SLC44A5: variants seen among roughly 807,000 people sequenced by gnomAD.
SLC44A5 encodes the protein choline transporter-like protein 5.
In SLC44A5, 57 loss-of-function variants were observed where a neutral mutation model predicts 101.8. That is an observed-to-expected ratio of 0.56 (90% CI 0.45 to 0.70). SLC44A5 has a LOEUF of 0.70. Among genes scored for constraint, SLC44A5 ranks in the 30% least tolerant of loss-of-function variants. The probability of loss-of-function intolerance (pLI) is 0.00; values close to 1 mark genes in which losing one functional copy is unlikely to be tolerated. For synonymous variants in SLC44A5, 281 were observed against 290.9 expected (o/e 0.97, Z 0.35); for missense variants, 737 against 853.1 (o/e 0.86, Z 1.70).
the SLC44A5 span, among the ~76,000 whole-genome samples, chr1:75,663,742 G>C: frequency 6.6e-6 from 1 of 152,060 alleles, no homozygotes; most frequent in Non-Finnish European, 1.5e-5. Flanking sequence ...CAATTCTACT[G>C]AAACTATTCT....
chr1:75,550,293 C>A (rs1031742695), intron 1 of SLC44A5, among the ~76,000 whole-genome samples: 1 of 152,032 alleles, frequency 6.6e-6, no homozygotes, highest in Non-Finnish European at 1.5e-5. Flanking sequence ...AAGCCAGACA[C>A]AAAAAGCCAG....
chr1:75,571,090 G>C (rs1008653940), intron 1 of SLC44A5, among the ~76,000 whole-genome samples: 1 of 152,122 alleles, frequency 6.6e-6, no homozygotes, highest in Non-Finnish European at 1.5e-5. Flanking sequence ...CACCACAAGC[G>C]CTAATAATCC....
chr1:75,370,037 G>C (rs774520102), intron 3 of SLC44A5, among the ~76,000 whole-genome samples: 2 of 152,164 alleles, frequency 1.3e-5, no homozygotes, highest in Non-Finnish European at 2.9e-5. Flanking sequence ...GAATAGGTTA[G>C]GCTTTTACAC....
intron 11 of SLC44A5, among the ~76,000 whole-genome samples, chr1:75,234,445 C>G (rs1647886102): frequency 6.6e-6 from 1 of 152,034 alleles, no homozygotes; most frequent in Admixed American, 6.6e-5. Context: ...TCCTACCTAT[C>G]TACTAGGTCA....
chr1:75,576,561 GT>G (rs1673380898), intron 1 of SLC44A5, among the ~76,000 whole-genome samples: 1 of 151,960 alleles, frequency 6.6e-6, no homozygotes, highest in South Asian at 2.1e-4. Context: ...CTCGTGATCC[GT>G]CCACTGTGGC....
the SLC44A5 span, among the ~76,000 whole-genome samples, chr1:75,624,236 CA>C: frequency 6.6e-6 from 1 of 151,916 alleles, no homozygotes; most frequent in African/African-American, 2.4e-5. Flanking sequence ...TAGTGATAGT[CA>C]AAAGAGAAAA....
chr1:75,322,464 A>G (rs796398366), intron 4 of SLC44A5, among the ~76,000 whole-genome samples: 7 of 152,278 alleles, frequency 4.6e-5, no homozygotes, highest in African/African-American at 1.7e-4. Context: ...TGATCATTAT[A>G]TGCTGGTGTG....
In SLC44A5 at chr1:75,540,519, G is replaced by A. The variant is rs1364912593; in HGVS notation, c.13+916C>T. Among the ~76,000 whole-genome samples the A allele has an allele frequency of 2.0e-5, 3 of 152,258 alleles. No homozygotes were observed. In the East Asian group the frequency reaches 5.8e-4, roughly 29 times the overall value. On this transcript the variant is annotated intron_variant, in intron 2 of 23. Transcript: ENST00000370859. Reference sequence around the variant, plus strand: ...TAGTACAATGTATTTGCAGCCTTGAGGAACATGTGTAGATTCAAACATATT... The same window carrying A: ...TAGTACAATGTATTTGCAGCCTTGAAGAACATGTGTAGATTCAAACATATT...
At chr1:75,634,905 C>T in the SLC44A5 span, among the ~76,000 whole-genome samples, 3 of 152,086 alleles carry the variant, frequency 2.0e-5, no homozygotes, top group African/African-American at 7.3e-5. Flanking sequence ...TCGCAACTTA[C>T]TCATCTGACA....
At chr1:75,246,965 T>TGTTA (rs1163416600) in intron 7 of SLC44A5, among the ~76,000 whole-genome samples, 1 of 152,032 alleles carries the variant, frequency 6.6e-6, no homozygotes, top group Non-Finnish European at 1.5e-5. Context: ...TACAGGTCAT[T>TGTTA]GTTAGGACCT....
At chr1:75,478,286 C>T (rs1667569554) in intron 2 of SLC44A5, among the ~76,000 whole-genome samples, 1 of 152,268 alleles carries the variant, frequency 6.6e-6, no homozygotes, top group East Asian at 1.9e-4. Context: ...CAGTACCAGC[C>T]ACTGCAAAAT....
At chr1:75,443,757 C>T (rs1665341354) in intron 2 of SLC44A5, among the ~76,000 whole-genome samples, 1 of 151,504 alleles carries the variant, frequency 6.6e-6, no homozygotes, top group African/African-American at 2.4e-5. Context: ...AACAAAATTA[C>T]TGTTTATTAA....
intron 2 of SLC44A5, among the ~76,000 whole-genome samples, chr1:75,407,407 A>G (rs1034568497): frequency 1.1e-4 from 16 of 152,164 alleles, no homozygotes; most frequent in Non-Finnish European, 2.1e-4. Context: ...AGCCAAGACA[A>G]TCCTAAACAA....
At chr1:75,468,945 T>C (rs1666964055) in intron 2 of SLC44A5, among the ~76,000 whole-genome samples, 1 of 152,186 alleles carries the variant, frequency 6.6e-6, no homozygotes, top group Non-Finnish European at 1.5e-5. Context: ...CTCATAAATA[T>C]ATACACCTGC....
the SLC44A5 span, among the ~76,000 whole-genome samples, chr1:75,678,232 G>T: frequency 2.0e-5 from 3 of 152,164 alleles, no homozygotes; most frequent in Non-Finnish European, 4.4e-5. Context: ...CAAAGCAGCA[G>T]GGAAGCTCGA....
chr1:75,364,834 A>G (rs2101132452), intron 3 of SLC44A5, among the ~76,000 whole-genome samples: 1 of 151,996 alleles, frequency 6.6e-6, no homozygotes, highest in Admixed American at 6.5e-5. Flanking sequence ...CATGGAGCTC[A>G]CTGATTCTTT....
chr1:75,666,291 T>C, the SLC44A5 span, among the ~76,000 whole-genome samples: 1 of 152,132 alleles, frequency 6.6e-6, no homozygotes, highest in African/African-American at 2.4e-5. Context: ...CAGAGAATAC[T>C]ATAAACACCT....
At chr1:75,439,720 T>C (rs778710102) in intron 2 of SLC44A5, among the ~76,000 whole-genome samples, 1 of 152,022 alleles carries the variant, frequency 6.6e-6, no homozygotes, top group Admixed American at 6.6e-5. Context: ...ATTTAAAAGA[T>C]CTAACAATCC....
the SLC44A5 span, among the ~76,000 whole-genome samples, chr1:75,616,159 C>G: frequency 1.3e-5 from 2 of 151,454 alleles, no homozygotes; most frequent in Non-Finnish European, 3.0e-5. Flanking sequence ...GGCTGCTGTG[C>G]TGCTCCTGCT....
Sources: allele counts gnomAD v4.1 joint callset (sites outside exome capture counted in the v4.1 genomes callset), GRCh38; gene constraint gnomAD v4.1.1; transcripts MANE v1.5; gene names NCBI Gene and HGNC (gene_info 2026-07-23, HGNC 2026-07-21).